TLK1: variants seen among roughly 807,000 people sequenced by gnomAD.
The protein encoded by TLK1 is serine/threonine-protein kinase tousled-like 1.
Under a neutral mutation model 105.3 loss-of-function variants are expected in TLK1, and 24 were observed. The observed-to-expected ratio is 0.23, with a 90% CI of 0.17 to 0.32. The LOEUF (loss-of-function observed/expected upper bound fraction) is 0.32. Ranked by LOEUF, TLK1 falls within the 10% of genes least tolerant of loss-of-function variation. The probability of loss-of-function intolerance (pLI) is 1.00; values close to 1 mark genes in which losing one functional copy is unlikely to be tolerated. For synonymous variants in TLK1, 321 were observed against 310.4 expected, an observed-to-expected ratio of 1.03 and a Z score of -0.36; for missense variants, 558 against 910.5, an observed-to-expected ratio of 0.61 and a Z score of 4.98.
chr2:171,116,371 C>A (rs1690426991), intron 2 of TLK1, among the ~76,000 whole-genome samples: 1 of 152,078 alleles, frequency 6.6e-6, no homozygotes, highest in Non-Finnish European at 1.5e-5. Context: ...AAAATAATTT[C>A]TAAGACTCCC....
chr2:171,000,935 G>A (rs1190546768), intron 18 of TLK1, among the ~76,000 whole-genome samples: 2 of 152,094 alleles, frequency 1.3e-5, no homozygotes, highest in Non-Finnish European at 2.9e-5. Flanking sequence ...TCTCCATCAA[G>A]TCACCTTAAT....
At position 170,993,723 on chromosome 2, in the gene TLK1, A is replaced by C. The variant is rs1351940884; in HGVS notation, c.*57T>G. The C allele has an allele frequency of 5.1e-6, 7 of 1,385,554 alleles. No individual in the cohort carries two copies. The highest frequency in any genetic ancestry group is 6.7e-6 in the Non-Finnish European group (7 of 1,045,294). 85.8% of individuals were successfully genotyped at this position (1,385,554 alleles called of 1,614,324 possible). ...AAAACAAACACTCAAATGCTCTCAA[A>C]CTTAAGTGTGCATCTGGAAGCAAAT... On this transcript the variant is annotated 3_prime_UTR_variant, in exon 21 of 21. Coordinates refer to ENST00000431350, the MANE Select transcript of TLK1 (RefSeq NM_012290.5).
At chr2:171,049,667 T>C (rs1687139407) in intron 10 of TLK1, 147 bp downstream of exon 10, 1 of 891,644 alleles carries the variant, frequency 1.1e-6, no homozygotes, top group Non-Finnish European at 1.7e-6. Context: ...TGTAATACTC[T>C]TGGTTTCATA....
intron 2 of TLK1, among the ~76,000 whole-genome samples, chr2:171,104,224 C>T (rs975582534): frequency 1.8e-4 from 27 of 149,504 alleles, no homozygotes; most frequent in Admixed American, 1.5e-3. Context: ...TGCAGTGAGC[C>T]GAGATTGCAC....
In TLK1 at chr2:171,225,475, G is replaced by A. The variant is rs115306145; in HGVS notation, c.-6+5670C>T. On this transcript the variant is annotated intron_variant, in intron 1 of 20. Transcript: ENST00000521943. ...GGGAAAAAAAAGGAAAAAGGCAAGT[G>A]TCAGCAAGGATGTGGAGAAGTTGGA... 5.1e-3 allele frequency among the ~76,000 whole-genome samples: 770 copies of A among 152,260 alleles called. 10 individuals carry two copies. Among genetic ancestry groups the A allele is most frequent in the African/African-American group, 0.018 (733 of 41,558 alleles).
At chr2:171,153,568 A>C (rs1166922346) in intron 1 of TLK1, among the ~76,000 whole-genome samples, 1 of 152,220 alleles carries the variant, frequency 6.6e-6, no homozygotes, top group African/African-American at 2.4e-5. Flanking sequence ...CTCTGAATTC[A>C]AGACCTTTCT....
rs1683806313 is a variant in TLK1, at chr2:170,992,004, TTGA to T, written c.*1773_*1775del. 2 of 152,260 alleles carry T rather than the reference TTGA, an allele frequency of 1.3e-5. No individual in the cohort carries two copies. The highest frequency in any genetic ancestry group is 4.1e-4 in the South Asian group (2 of 4,824). 9.4% of individuals were successfully genotyped at this position (152,260 alleles called of 1,614,324 possible). A position where few individuals can be genotyped will look rare whatever the true frequency, so the allele number is the denominator to read the frequency against. ...AAGTGTTACTTACCCAGGAGTTGCC[TTGA>T]TAATGGTTATTAGGTTTAACTTTAA... On this transcript the variant is annotated 3_prime_UTR_variant, in exon 21 of 21. Transcript: ENST00000431350.
intron 1 of TLK1, among the ~76,000 whole-genome samples, chr2:171,190,632 A>C (rs1171947744): frequency 6.6e-6 from 1 of 152,248 alleles, no homozygotes; most frequent in Non-Finnish European, 1.5e-5. Flanking sequence ...TGCTAGAGGA[A>C]AGCCTGGATT....
intron 1 of TLK1, among the ~76,000 whole-genome samples, chr2:171,168,429 G>T (rs993303822): frequency 6.6e-5 from 10 of 152,160 alleles, no homozygotes; most frequent in African/African-American, 2.4e-4. Context: ...TAAGAGCGGG[G>T]ATTCTGAGCT....
At position 171,106,228 on chromosome 2, in the gene TLK1, T is replaced by C. The variant is rs76875721; in HGVS notation, c.258+11511A>G. Among the ~76,000 whole-genome samples, 37 of 152,312 alleles carry C rather than the reference T, an allele frequency of 2.4e-4. No individual in the cohort carries two copies. The East Asian group carries it at 5.6e-3, about 23-fold the overall frequency. On this transcript the variant is annotated intron_variant, in intron 2 of 20. Transcript: ENST00000431350. ...ACAGCCAACAGTTGATTAATGAATA[T>C]AGAAGTACAGCTGCATAGGAAGAGT...
chr2:171,065,694 T>C (rs979351129), intron 3 of TLK1, among the ~76,000 whole-genome samples: 3 of 152,090 alleles, frequency 2.0e-5, no homozygotes, highest in African/African-American at 7.2e-5. Context: ...CCCGCCACTA[T>C]GCCCGGCTAA....
At chr2:171,114,695 C>G (rs910840669) in intron 2 of TLK1, among the ~76,000 whole-genome samples, 1 of 152,064 alleles carries the variant, frequency 6.6e-6, no homozygotes, top group African/African-American at 2.4e-5. Flanking sequence ...ATTAGCCGGG[C>G]ACGGTGGCAC....
At chr2:171,227,169 C>T (rs768001349) in intron 1 of TLK1, among the ~76,000 whole-genome samples, 1 of 152,168 alleles carries the variant, frequency 6.6e-6, no homozygotes, top group African/African-American at 2.4e-5. Context: ...TACTACCCCT[C>T]CATGTAGTTG....
At chr2:171,133,274 G>A (rs922069453) in intron 1 of TLK1, among the ~76,000 whole-genome samples, 1 of 152,120 alleles carries the variant, frequency 6.6e-6, no homozygotes, top group Non-Finnish European at 1.5e-5. Flanking sequence ...GATAAGAAAA[G>A]TATCTAAGAG....
chr2:171,200,541 T>C (rs901120665), intron 1 of TLK1, among the ~76,000 whole-genome samples: 1 of 152,142 alleles, frequency 6.6e-6, no homozygotes, highest in African/African-American at 2.4e-5. Context: ...CTAAATAAAA[T>C]TGGATCAAAG....
chr2:171,111,514 G>A (rs1690164635), intron 2 of TLK1, among the ~76,000 whole-genome samples: 2 of 150,620 alleles, frequency 1.3e-5, no homozygotes, highest in South Asian at 4.2e-4. Flanking sequence ...GAGCCTGGGA[G>A]GCATAGGTTG....
At chr2:171,184,689 A>G (rs1409751852) in intron 1 of TLK1, among the ~76,000 whole-genome samples, 1 of 151,984 alleles carries the variant, frequency 6.6e-6, no homozygotes, top group Non-Finnish European at 1.5e-5. Flanking sequence ...TTTCTAACCA[A>G]CATCTCTAAA....
chr2:171,185,041 A>T (rs780704449), intron 1 of TLK1, among the ~76,000 whole-genome samples: 2 of 152,240 alleles, frequency 1.3e-5, no homozygotes, highest in East Asian at 1.9e-4. Context: ...GGATTTCACC[A>T]TGTTAGCCAG....
At chr2:171,181,550 T>A (rs1303721591) in intron 1 of TLK1, among the ~76,000 whole-genome samples, 1 of 152,214 alleles carries the variant, frequency 6.6e-6, no homozygotes, top group Non-Finnish European at 1.5e-5. Flanking sequence ...GGTGTCAGCA[T>A]CTGCTTCTGG....
Sources: gnomAD v4.1 joint callset for allele counts (sites outside exome capture counted in the v4.1 genomes callset) on GRCh38, gnomAD v4.1.1 for gene constraint, MANE v1.5 for transcripts, NCBI Gene and HGNC (gene_info 2026-07-23, HGNC 2026-07-21) for gene names.